NECTIN3: variants seen among roughly 807,000 people sequenced by gnomAD.
NECTIN3 encodes nectin cell adhesion molecule 3, also known as nectin-3.
A neutral mutation model predicts 49.4 loss-of-function variants in NECTIN3; 8 were observed. The ratio of observed to expected loss-of-function variants is 0.16; its 90% CI spans 0.10 to 0.29. The LOEUF is 0.29. Ranked by LOEUF, NECTIN3 falls within the 10% of genes least tolerant of loss-of-function variation. The pLI, the probability that NECTIN3 is intolerant of heterozygous loss-of-function variation, is 1.00. For missense variants in NECTIN3, 581 were observed against 654.6 expected (o/e 0.89, Z 1.23); for synonymous variants, 277 against 241.1 (o/e 1.15, Z -1.38).
intron 1 of NECTIN3, among the ~76,000 whole-genome samples, chr3:111,109,159 A>G (rs990261630): frequency 6.6e-6 from 1 of 152,070 alleles, no homozygotes; most frequent in Non-Finnish European, 1.5e-5. Context: ...TCTTTGTTTT[A>G]AGGACACCAG....
At chr3:111,182,962 G>A (rs72937972) in intron 7 of NECTIN3, among the ~76,000 whole-genome samples, 5,883 of 151,670 alleles carry the variant, frequency 0.039, 178 homozygotes, top group East Asian at 0.075. Context: ...GAGTGATTAA[G>A]TATTTTTTAA....
intron 7 of NECTIN3, among the ~76,000 whole-genome samples, chr3:111,153,413 A>T (rs750537537): frequency 2.0e-5 from 3 of 152,042 alleles, no homozygotes; most frequent in South Asian, 4.1e-4. Flanking sequence ...GGAGATACAG[A>T]TGTAACATGT....
intron 6 of NECTIN3, chr3:111,145,139 TA>T: frequency 7.7e-7 from 1 of 1,303,662 alleles, no homozygotes; most frequent in Admixed American, 2.3e-5. Context: ...GGGATAGAAG[TA>T]AGGATAATGT....
chr3:111,169,360 G>C (rs1452633051), intron 7 of NECTIN3, among the ~76,000 whole-genome samples: 1 of 147,466 alleles, frequency 6.8e-6, no homozygotes, highest in Non-Finnish European at 1.5e-5. Context: ...AAAGTGCTGG[G>C]ATTACAAACG....
intron 3 of NECTIN3, among the ~76,000 whole-genome samples, chr3:111,119,162 A>G (rs576196811): frequency 1.5e-3 from 230 of 152,342 alleles, no homozygotes; most frequent in Admixed American, 5.0e-3. Flanking sequence ...TTAAAATTAT[A>G]TAACCATTTC....
chr3:111,179,137 T>C (rs2035583948), intron 7 of NECTIN3, among the ~76,000 whole-genome samples: 1 of 152,228 alleles, frequency 6.6e-6, no homozygotes, highest in African/African-American at 2.4e-5. Context: ...GTTTTAATCA[T>C]GTTGCCATTA....
At chr3:111,172,158 C>T (rs182388182) in intron 7 of NECTIN3, among the ~76,000 whole-genome samples, 3 of 152,234 alleles carry the variant, frequency 2.0e-5, no homozygotes, top group African/African-American at 7.2e-5. Flanking sequence ...GTATTTGTAG[C>T]AGCTGCTTCC....
chr3:111,078,062 C>A (rs1053100309), intron 1 of NECTIN3, among the ~76,000 whole-genome samples: 3 of 152,038 alleles, frequency 2.0e-5, no homozygotes, highest in Non-Finnish European at 4.4e-5. Context: ...GTTTTGAAAT[C>A]CAGTAGATAT....
intron 1 of NECTIN3, among the ~76,000 whole-genome samples, chr3:111,080,909 G>A (rs1378117137): frequency 6.6e-6 from 1 of 152,122 alleles, no homozygotes; most frequent in Non-Finnish European, 1.5e-5. Flanking sequence ...AGTAAGGGCT[G>A]GAAGAGTTAA....
upstream of NECTIN3, among the ~76,000 whole-genome samples, chr3:111,190,774 T>C (rs948738361): frequency 2.4e-4 from 37 of 152,158 alleles, no homozygotes; most frequent in Admixed American, 2.2e-3. Context: ...ACACAAACAT[T>C]CAGACCATTA....
intron 7 of NECTIN3, among the ~76,000 whole-genome samples, chr3:111,151,207 A>G (rs2034994336): frequency 6.6e-6 from 1 of 151,972 alleles, no homozygotes; most frequent in African/African-American, 2.4e-5. Flanking sequence ...TATATGTGGA[A>G]TAACTAAATC....
chr3:111,126,884 C>G (rs902475492), intron 5 of NECTIN3, among the ~76,000 whole-genome samples: 1 of 152,062 alleles, frequency 6.6e-6, no homozygotes, highest in Admixed American at 6.5e-5. Flanking sequence ...CTTTAAACTA[C>G]TAATAGCTTA....
intron 2 of NECTIN3, among the ~76,000 whole-genome samples, chr3:111,115,528 A>G (rs1423423356): frequency 6.6e-6 from 1 of 152,218 alleles, no homozygotes; most frequent in Non-Finnish European, 1.5e-5. Flanking sequence ...TCTTAGGCTT[A>G]TTGAATGATA....
chr3:111,173,329 C>A (rs1159019257), intron 7 of NECTIN3, among the ~76,000 whole-genome samples: 1 of 152,230 alleles, frequency 6.6e-6, no homozygotes, highest in Non-Finnish European at 1.5e-5. Context: ...ACAGCTTCCA[C>A]CTCTTCTGGA....
At chr3:111,081,076 G>T (rs2031572035) in intron 1 of NECTIN3, among the ~76,000 whole-genome samples, 1 of 152,110 alleles carries the variant, frequency 6.6e-6, no homozygotes, top group African/African-American at 2.4e-5. Context: ...AATTCTTTGA[G>T]ACCAGCCTGG....
intron 7 of NECTIN3, among the ~76,000 whole-genome samples, chr3:111,174,765 C>T (rs1202461175): frequency 6.6e-6 from 1 of 151,998 alleles, no homozygotes; most frequent in African/African-American, 2.4e-5. Flanking sequence ...CAGACAGGTG[C>T]AAGAGCCCAG....
intron 1 of NECTIN3, among the ~76,000 whole-genome samples, chr3:111,098,955 CA>C (rs1349163182): frequency 1.3e-5 from 2 of 150,522 alleles, no homozygotes; most frequent in African/African-American, 4.9e-5. Context: ...GATGAGCAAA[CA>C]AACTTAATTA....
chr3:111,100,451 A>G (rs1192982065), intron 1 of NECTIN3, among the ~76,000 whole-genome samples: 1 of 152,108 alleles, frequency 6.6e-6, no homozygotes, highest in Non-Finnish European at 1.5e-5. Context: ...CTTTCAAGCT[A>G]TATGTATAAG....
At chr3:111,127,799 C>T (rs1375147505) in intron 5 of NECTIN3, among the ~76,000 whole-genome samples, 1 of 151,986 alleles carries the variant, frequency 6.6e-6, no homozygotes, top group East Asian at 1.9e-4. Context: ...AACTTCTGAG[C>T]TCAAGTGATC....
Sources: gnomAD v4.1 joint callset for allele counts (sites outside exome capture counted in the v4.1 genomes callset) on GRCh38, gnomAD v4.1.1 for gene constraint, MANE v1.5 for transcripts, NCBI Gene and HGNC (gene_info 2026-07-23, HGNC 2026-07-21) for gene names.